The following RYR3 variants were observed in gnomAD, a reference collection of about 807,000 sequenced individuals.
RYR3 encodes ryanodine receptor 3, also known as brain ryanodine receptor-calcium release channel.
Under a neutral mutation model 584.3 loss-of-function variants are expected in RYR3, and 207 were observed. The ratio of observed to expected loss-of-function variants is 0.35; its 90% confidence interval spans 0.32 to 0.40. The LOEUF is 0.40. Ranked by LOEUF, RYR3 falls within the 10% of genes least tolerant of loss-of-function variation. The probability of loss-of-function intolerance (pLI) is 1.00; values close to 1 mark genes in which losing one functional copy is unlikely to be tolerated. For missense variants in RYR3, 5,616 were observed against 6,089.2 expected (o/e 0.92, Z 2.59); for synonymous variants, 2,416 against 2,248.5 (o/e 1.07, Z -2.11).
At chr15:33,793,880 C>A (rs2075315410) in intron 67 of RYR3, among the ~76,000 whole-genome samples, 1 of 147,236 alleles carries the variant, frequency 6.8e-6, no homozygotes, top group African/African-American at 2.5e-5. Flanking sequence ...TTTAGCATTC[C>A]AATAGAAACA....
intron 1 of RYR3, among the ~76,000 whole-genome samples, chr15:33,327,826 T>C (rs540234182): frequency 2.0e-5 from 3 of 152,318 alleles, no homozygotes; most frequent in South Asian, 2.1e-4. Flanking sequence ...TGATTTTTCA[T>C]TCATCATTTC....
chr15:33,493,866 T>G (rs996682887), intron 2 of RYR3, among the ~76,000 whole-genome samples: 2 of 152,202 alleles, frequency 1.3e-5, no homozygotes, highest in African/African-American at 4.8e-5. Context: ...GAGAGTCTCT[T>G]GAGCCTAGGA....
chr15:33,334,242 G>C (rs956106795), intron 1 of RYR3, among the ~76,000 whole-genome samples: 2 of 152,108 alleles, frequency 1.3e-5, no homozygotes, highest in Non-Finnish European at 2.9e-5. Context: ...TAAGCAAAAG[G>C]AACAAAGCTG....
chr15:33,762,324 T>C (rs2072532492), intron 60 of RYR3, among the ~76,000 whole-genome samples: 1 of 152,180 alleles, frequency 6.6e-6, no homozygotes, highest in African/African-American at 2.4e-5. Context: ...TCATCTCTGT[T>C]TGCAGATGAC....
chr15:33,816,210 C>T (rs2076803780), intron 74 of RYR3, among the ~76,000 whole-genome samples: 1 of 152,184 alleles, frequency 6.6e-6, no homozygotes, highest in Non-Finnish European at 1.5e-5. Context: ...TTTGCAGTGG[C>T]TAATATTCCC....
intron 77 of RYR3, among the ~76,000 whole-genome samples, chr15:33,820,555 C>T (rs1401044576): frequency 6.6e-6 from 1 of 152,198 alleles, no homozygotes; most frequent in Non-Finnish European, 1.5e-5. Context: ...CATTTCTGAA[C>T]TCTATGGTAA....
At chr15:33,584,530 G>GT in intron 15 of RYR3, 40 bp downstream of exon 15, 1 of 918,490 alleles carries the variant, frequency 1.1e-6, no homozygotes, top group Non-Finnish European at 1.7e-6. Context: ...AAAGATGAAG[G>GT]GTTTTTTTTT....
chr15:33,594,380 A>G (rs1027178180), intron 16 of RYR3, among the ~76,000 whole-genome samples: 1 of 152,240 alleles, frequency 6.6e-6, no homozygotes, highest in African/African-American at 2.4e-5. Context: ...GAAGTTAGGT[A>G]GAGAGAAACA....
At position 33,865,426 on chromosome 15, in the gene RYR3, T is replaced by TGTCA; in HGVS notation, c.*201_*204dup. 2.0e-6 allele frequency: 1 copy of TGTCA among 511,920 alleles called. No individual in the cohort carries two copies. Among genetic ancestry groups the TGTCA allele is most frequent in the Non-Finnish European group, 3.5e-6 (1 of 289,094 alleles). 31.7% of individuals were successfully genotyped at this position (511,920 alleles called of 1,614,324 possible). A position where few individuals can be genotyped will look rare whatever the true frequency, so the allele number is the denominator to read the frequency against. On this transcript the variant is annotated 3_prime_UTR_variant, in exon 104 of 104. Coordinates refer to ENST00000634891, the MANE Select transcript of RYR3 (RefSeq NM_001036.6). ...TGGACATACACTGTGGGAGAGAACC[T>TGTCA]GTCAAAATGTCGAAGAAGGAAGGCG...
rs571966690 is a variant in RYR3 at position 33,860,685 on chromosome 15, C to G, written c.14364+26C>G. The G allele has an allele frequency of 6.7e-6, 10 of 1,496,216 alleles. No homozygotes were observed. The South Asian group carries it at 1.2e-4, about 18-fold the overall frequency. The allele number at this position is 1,496,216 out of a possible 1,614,324, so 92.7% of individuals were successfully genotyped here. On this transcript the variant is annotated intron_variant, in intron 101 of 103. Coordinates refer to ENST00000634891, the MANE Select transcript of RYR3 (RefSeq NM_001036.6). ...GTAATGTTACTCTAACTACTAATCCCAGCTCTATTTTAATATCCCCAGAAG... is the reference window on the plus strand; with the variant it reads ...GTAATGTTACTCTAACTACTAATCCGAGCTCTATTTTAATATCCCCAGAAG...
At chr15:33,643,959 A>G (rs1373350628) in intron 27 of RYR3, among the ~76,000 whole-genome samples, 1 of 152,126 alleles carries the variant, frequency 6.6e-6, no homozygotes, top group Admixed American at 6.5e-5. Flanking sequence ...AGGGCCTGAG[A>G]TCAATTTTAA....
chr15:33,453,593 T>C (rs576624989), intron 1 of RYR3, among the ~76,000 whole-genome samples: 7 of 152,344 alleles, frequency 4.6e-5, no homozygotes, highest in Non-Finnish European at 7.3e-5. Flanking sequence ...TCCCAAAGAA[T>C]GTATATCTGT....
At position 33,646,168 on chromosome 15, in the gene RYR3, C is replaced by T. The variant is rs1595955866; in HGVS notation, c.3766-183C>T. The stretch of plus-strand genomic sequence containing the variant: ...CTAATTTCCCTAGCCAGGAGCAGAT[C>T]TGTTTCTTCCTACGGGACAAGGCCC... On this transcript the variant is annotated intron_variant, in intron 28 of 103. Coordinates refer to ENST00000634891, the MANE Select transcript of RYR3 (RefSeq NM_001036.6). The T allele has an allele frequency of 7.6e-6, 4 of 524,438 alleles. No homozygotes were observed. In the Admixed American group the frequency reaches 1.3e-4, roughly 18 times the overall value. The allele number at this position is 524,438 out of a possible 1,614,324, so 32.5% of individuals were successfully genotyped here.
intron 9 of RYR3, among the ~76,000 whole-genome samples, chr15:33,549,884 A>G (rs530612765): frequency 1.3e-5 from 2 of 152,294 alleles, no homozygotes; most frequent in Non-Finnish European, 2.9e-5. Context: ...TCAGTGGAGT[A>G]AAGGAAAAAT....
At chr15:33,357,864 C>T (rs142530330) in intron 1 of RYR3, among the ~76,000 whole-genome samples, 144 of 152,240 alleles carry the variant, frequency 9.5e-4, no homozygotes, top group Admixed American at 2.6e-3. Context: ...TTCTTTTACA[C>T]GGAAGTATTT....
At chr15:33,771,298 G>A (rs1596515485) in intron 62 of RYR3, among the ~76,000 whole-genome samples, 2 of 152,354 alleles carry the variant, frequency 1.3e-5, no homozygotes, top group South Asian at 2.1e-4. Context: ...CACTTTGGGA[G>A]GCCAAGGCGG....
At chr15:33,472,777 C>T (rs756850348) in intron 1 of RYR3, among the ~76,000 whole-genome samples, 11 of 152,092 alleles carry the variant, frequency 7.2e-5, no homozygotes, top group Non-Finnish European at 1.5e-4. Flanking sequence ...CTTGAGAATT[C>T]AGAGCAGTTC....
intron 3 of RYR3, among the ~76,000 whole-genome samples, chr15:33,508,990 A>G (rs542921056): frequency 6.6e-6 from 1 of 152,322 alleles, no homozygotes; most frequent in African/African-American, 2.4e-5. Flanking sequence ...GCGTAAACAT[A>G]CATTATGCTA....
chr15:33,746,803 CTT>C (rs367738785), intron 53 of RYR3, among the ~76,000 whole-genome samples: 84 of 135,694 alleles, frequency 6.2e-4, no homozygotes, highest in South Asian at 1.2e-3. Flanking sequence ...TTTCTTTCTT[CTT>C]TTTTTTTTTT....
Sources: gnomAD v4.1 joint callset for allele counts (sites outside exome capture counted in the v4.1 genomes callset) on GRCh38, gnomAD v4.1.1 for gene constraint, MANE v1.5 for transcripts, NCBI Gene and HGNC (gene_info 2026-07-23, HGNC 2026-07-21) for gene names.